SCNN1B: variants seen among roughly 807,000 people sequenced by gnomAD.
The protein encoded by SCNN1B is sodium channel epithelial 1 subunit beta.
In SCNN1B, 46 loss-of-function variants were observed where a neutral mutation model predicts 65.3. The ratio of observed to expected loss-of-function variants is 0.70; its 90% CI spans 0.56 to 0.90. The LOEUF is 0.90. Ranked by LOEUF, SCNN1B falls within the 40% of genes least tolerant of loss-of-function variation. The pLI is 0.00. For missense variants in SCNN1B, 751 were observed against 830.5 expected (o/e 0.90, Z 1.18); for synonymous variants, 349 against 330.6 (o/e 1.06, Z -0.60).
intron 1 of SCNN1B, among the ~76,000 whole-genome samples, chr16:23,332,439 C>T (rs1961833350): frequency 2.0e-5 from 3 of 152,022 alleles, no homozygotes; most frequent in African/African-American, 7.2e-5. Context: ...TCAGGTAATC[C>T]ACCCACCTCG....
intron 3 of SCNN1B, among the ~76,000 whole-genome samples, chr16:23,354,361 C>T (rs372884078): frequency 1.4e-4 from 22 of 152,344 alleles, no homozygotes; most frequent in African/African-American, 5.0e-4. Context: ...GCTGGCCGGG[C>T]GTGTTGGGAA....
intron 1 of SCNN1B, among the ~76,000 whole-genome samples, chr16:23,330,485 G>A (rs576280337): frequency 6.6e-6 from 1 of 152,284 alleles, no homozygotes; most frequent in East Asian, 1.9e-4. Context: ...CCTTGCTTTC[G>A]GATCCTGCAG....
chr16:23,362,952 C>A (rs1962582517), intron 4 of SCNN1B, among the ~76,000 whole-genome samples: 1 of 152,160 alleles, frequency 6.6e-6, no homozygotes, highest in Admixed American at 6.6e-5. Flanking sequence ...TGGGGCTTTG[C>A]CTGTGTTGTG....
chr16:23,369,181 C>T (rs979989949), intron 5 of SCNN1B, among the ~76,000 whole-genome samples: 4 of 152,132 alleles, frequency 2.6e-5, no homozygotes, highest in African/African-American at 7.3e-5. Flanking sequence ...GGTCATGGCT[C>T]ACTGCAGCCT....
At chr16:23,308,653 T>C (rs1241226970) in intron 1 of SCNN1B, among the ~76,000 whole-genome samples, 1 of 152,218 alleles carries the variant, frequency 6.6e-6, no homozygotes, top group Non-Finnish European at 1.5e-5. Flanking sequence ...TTTATTTATT[T>C]TGAGACAGAG....
At chr16:23,343,511 A>G (rs1249591195) in intron 1 of SCNN1B, among the ~76,000 whole-genome samples, 2 of 122,416 alleles carry the variant, frequency 1.6e-5, no homozygotes, top group African/African-American at 3.2e-5. Flanking sequence ...AGGAAGGAAA[A>G]GGAAGGAAGG....
chr16:23,367,707 T>C lies in SCNN1B; in HGVS notation c.777-149T>C, dbSNP rs990522785. 7 of 731,408 alleles carry C rather than the reference T, an allele frequency of 9.6e-6. No individual in the cohort carries two copies. In the Admixed American group the frequency reaches 1.4e-4, roughly 14 times the overall value. 45.3% of individuals were successfully genotyped at this position (731,408 alleles called of 1,614,324 possible). A position where few individuals can be genotyped will look rare whatever the true frequency, so the allele number is the denominator to read the frequency against. On this transcript the variant is annotated intron_variant, in intron 4 of 12. Coordinates refer to ENST00000343070, the MANE Select transcript of SCNN1B (RefSeq NM_000336.3). ...GGGAGCCTGGGAATCTCCCCTCTGGTTTGGACCAGAGGATGGACAGAATGA... is the reference window on the plus strand; with the variant it reads ...GGGAGCCTGGGAATCTCCCCTCTGGCTTGGACCAGAGGATGGACAGAATGA...
chr16:23,371,545 A>C lies in SCNN1B; in HGVS notation c.1044+83A>C. 2.1e-6 allele frequency: 3 copies of C among 1,413,284 alleles called. No individual in the cohort carries two copies. In the South Asian group the frequency reaches 3.6e-5, roughly 17 times the overall value. 87.5% of individuals were successfully genotyped at this position (1,413,284 alleles called of 1,614,324 possible). ...CAGGGCCAACTGCCCTTGGCCTGGG[A>C]GGAGGGGATCTGGGCCCCCCAGCCC... On this transcript the variant is annotated intron_variant, in intron 6 of 12. Transcript: ENST00000343070.
intron 1 of SCNN1B, among the ~76,000 whole-genome samples, chr16:23,322,135 T>C (rs1225657879): frequency 1.3e-5 from 2 of 152,208 alleles, no homozygotes; most frequent in Non-Finnish European, 2.9e-5. Context: ...TTTGTTTGTT[T>C]GTTTGTTTTA....
Position 23,380,754 on chromosome 16 carries a change from C to T in SCNN1B, c.1876C>T (p.Gln626Ter). Residue 626 changes from glutamine to a stop codon, truncating the protein, a stop_gained, in exon 13 of 13, where the codon CAG (glutamine) becomes TAG (stop). Coordinates refer to ENST00000343070, the MANE Select transcript of SCNN1B (RefSeq NM_000336.3). LOFTEE classifies it high-confidence loss of function. This position sits in a 1 kb window ranked among gnomAD's most constrained non-coding sequence, Gnocchi z 5.4. ...PPPNYDSLRL[Q>*]PLDVIESDSE... Reference sequence around the variant, plus strand: ...CCCCAACTATGACTCCCTGCGTCTGCAGCCGCTGGACGTCATCGAGTCTGA... The same window carrying T: ...CCCCAACTATGACTCCCTGCGTCTGTAGCCGCTGGACGTCATCGAGTCTGA... 1.2e-6 allele frequency: 2 copies of T among 1,612,680 alleles called. No homozygotes were observed. The highest frequency in any genetic ancestry group is 1.1e-5 in the South Asian group (1 of 91,060).
chr16:23,357,123 C>G (rs1962437303), intron 4 of SCNN1B, among the ~76,000 whole-genome samples: 1 of 152,204 alleles, frequency 6.6e-6, no homozygotes, highest in Non-Finnish European at 1.5e-5. Context: ...CACTTCAGGC[C>G]TCTGTGGAAA....
chr16:23,371,038 T>A (rs1164878838), intron 5 of SCNN1B, among the ~76,000 whole-genome samples: 1 of 152,172 alleles, frequency 6.6e-6, no homozygotes. Context: ...GCCTCCTTGA[T>A]CTACCTCCTG....
intron 1 of SCNN1B, among the ~76,000 whole-genome samples, chr16:23,316,362 T>TCATCAC (rs1384383408): frequency 2.1e-5 from 3 of 140,690 alleles, no homozygotes; most frequent in Non-Finnish European, 4.6e-5. Flanking sequence ...ATCTCCTCCA[T>TCATCAC]CATCACCATC....
At chr16:23,312,917 A>G (rs988675770) in intron 1 of SCNN1B, among the ~76,000 whole-genome samples, 1 of 152,154 alleles carries the variant, frequency 6.6e-6, no homozygotes, top group African/African-American at 2.4e-5. Context: ...AGGAGGCTGC[A>G]CATTTTCCTA....
chr16:23,349,999 C>T lies in SCNN1B; in HGVS notation c.311+1089C>T, dbSNP rs140870097. Among the ~76,000 whole-genome samples the T allele has an allele frequency of 1.7e-3, 260 of 151,856 alleles. 1 individual carries two copies. The highest frequency in any genetic ancestry group is 3.1e-3 in the Non-Finnish European group (209 of 67,896). ...AGGCTGAGGCACGAGAATTGCTTGA[C>T]CCCGAGAGGCAGAGGTTATAGTGAG... is the stretch of plus-strand genomic sequence containing the variant. On this transcript the variant is annotated intron_variant, in intron 2 of 12. Transcript: ENST00000343070.
Position 23,348,196 on chromosome 16 carries a change from G to T in SCNN1B, c.-8-396G>T, listed in dbSNP as rs549553173. Among the ~76,000 whole-genome samples, 2 of 152,102 alleles carry T rather than the reference G, an allele frequency of 1.3e-5. No individual in the cohort carries two copies. The highest frequency in any genetic ancestry group is 6.6e-5 in the Admixed American group (1 of 15,266). ...CTCATCAATGTTACAATGAAACATT[G>T]AACAAAACGACGTCGTTTGAGGACT... On this transcript the variant is annotated intron_variant, in intron 1 of 12. Transcript: ENST00000343070. This position sits in a 1 kb window ranked among gnomAD's most constrained non-coding sequence, Gnocchi z 4.5.
chr16:23,366,813 C>G (rs1013135780), intron 4 of SCNN1B, among the ~76,000 whole-genome samples: 2 of 152,104 alleles, frequency 1.3e-5, no homozygotes, highest in African/African-American at 4.8e-5. Context: ...CATAAGCCAC[C>G]GCTCCCAACC....
intron 1 of SCNN1B, among the ~76,000 whole-genome samples, chr16:23,317,499 G>C (rs1961496595): frequency 6.6e-6 from 1 of 152,256 alleles, no homozygotes. Flanking sequence ...TGGAGGGATG[G>C]GAGGGGAGCT....
At chr16:23,359,693 G>A (rs1016342845) in intron 4 of SCNN1B, among the ~76,000 whole-genome samples, 3 of 151,810 alleles carry the variant, frequency 2.0e-5, no homozygotes, top group African/African-American at 2.4e-5. Context: ...AATGTGAGCC[G>A]CATGTGGACC....
Sources: gnomAD v4.1 joint callset for allele counts (sites outside exome capture counted in the v4.1 genomes callset) on GRCh38, gnomAD v4.1.1 for gene constraint, Gnocchi (gnomAD v3.1) non-coding constraint, MANE v1.5 for transcripts, NCBI Gene and HGNC (gene_info 2026-07-23, HGNC 2026-07-21) for gene names.